The following GTF3C3 variants were observed in gnomAD, a reference collection of about 807,000 sequenced individuals.
The protein encoded by GTF3C3 is general transcription factor IIIC subunit 3.
GTF3C3 carries 75 observed loss-of-function variants against 105.2 expected under a neutral mutation model. That is an observed-to-expected ratio of 0.71 (90% confidence interval 0.59 to 0.86). The LOEUF is 0.86. GTF3C3 is among the 40% of genes least tolerant of loss of function. GTF3C3 has a pLI of 0.00. For missense variants in GTF3C3, 856 were observed against 1,076.5 expected (o/e 0.80, Z 2.87); for synonymous variants, 335 against 370.4 (o/e 0.90, Z 1.10).
chr2:196,776,113 T>C lies in GTF3C3; in HGVS notation c.1594-2A>G. ...ACGATGAAGCAATAACTTCAGTTCC[T>C]AAACAAATAAGCACATGATGATGAG... On this transcript the variant is annotated splice_acceptor_variant, in intron 11 of 17. Coordinates refer to ENST00000263956, the MANE Select transcript of GTF3C3 (RefSeq NM_012086.5). LOFTEE classifies it high-confidence loss of function. This position sits in a 1 kb window ranked among gnomAD's most constrained non-coding sequence, Gnocchi z 4.5. 6.8e-7 allele frequency: 1 copy of C among 1,474,526 alleles called. No individual in the cohort carries two copies. Among genetic ancestry groups the C allele is most frequent in the Non-Finnish European group, 9.4e-7 (1 of 1,068,498 alleles). The allele number at this position is 1,474,526 out of a possible 1,614,324, so 91.3% of individuals were successfully genotyped here.
At chr2:196,795,301 G>C (rs984361434) in intron 2 of GTF3C3, among the ~76,000 whole-genome samples, 1 of 152,214 alleles carries the variant, frequency 6.6e-6, no homozygotes, top group African/African-American at 2.4e-5. Context: ...GCCTCCCAAA[G>C]TGCTGGGATT....
intron 13 of GTF3C3, among the ~76,000 whole-genome samples, 155 bp from the exon 14 acceptor site, chr2:196,773,308 C>T (rs533296093): frequency 3.5e-4 from 53 of 152,184 alleles, no homozygotes; most frequent in Non-Finnish European, 5.3e-4. Context: ...GGGGTAGTTG[C>T]TTGCTTACAC....
chr2:196,770,024 G>T lies in GTF3C3; in HGVS notation c.2276C>A (p.Ala759Asp). 6.4e-7 allele frequency: 1 copy of T among 1,553,582 alleles called. No homozygotes were observed. The highest frequency in any genetic ancestry group is 8.6e-7 in the Non-Finnish European group (1 of 1,157,232). Reference protein sequence around the residue: ...FKHALGQYVQAFRTHPDEPLY... With the variant: ...FKHALGQYVQDFRTHPDEPLY... ...AGGTTCGTCAGGGTGAGTGCGAAAG[G>T]CTTGCACATACTGTCCTGGAAAATA... Residue 759 changes from alanine (A) to aspartate (D), a missense_variant, in exon 16 of 18, where the codon GCC (alanine) becomes GAC (aspartate). Ala to Asp is a moderately radical substitution (Grantham distance 126). Coordinates refer to ENST00000263956, the MANE Select transcript of GTF3C3 (RefSeq NM_012086.5).
At chr2:196,779,117 C>A in intron 9 of GTF3C3, 50 bp from the exon 10 acceptor site, 50 of 1,293,792 alleles carry the variant, frequency 3.9e-5, no homozygotes, top group Non-Finnish European at 4.9e-5. Flanking sequence ...CAAACGTGCA[C>A]ATCTATCTAT....
rs1486135525 is a variant in GTF3C3, at chr2:196,766,593, G to A, written c.2510C>T (p.Ala837Val). The stretch of plus-strand genomic sequence containing the variant: ...TACCACAAGTGGAGGGAGCTCCAGG[G>A]CCTTCTGATAATAGTGGATTGCAAG... ...IHLAIHYYQK[A>V]LELPPLVVEG... Residue 837 changes from alanine (A) to valine (V), a missense_variant, in exon 17 of 18, where the codon GCC (alanine) becomes GTC (valine). This residue lies in a region of GTF3C3 where 134 missense variants were observed against 128.9 expected (regional missense o/e 1.04). Coordinates refer to ENST00000263956, the MANE Select transcript of GTF3C3 (RefSeq NM_012086.5). 1 of 1,611,830 alleles carries A rather than the reference G, an allele frequency of 6.2e-7. No homozygotes were observed. The highest frequency in any genetic ancestry group is 1.1e-5 in the South Asian group (1 of 90,778).
intron 3 of GTF3C3, 75 bp downstream of exon 3, chr2:196,792,881 G>T: frequency 1.1e-6 from 1 of 908,860 alleles, no homozygotes; most frequent in South Asian, 1.4e-5. Flanking sequence ...TTGTTTCCCA[G>T]GTATAACTTA....
At chr2:196,770,200 TATAAA>T (rs1051304451) in intron 15 of GTF3C3, among the ~76,000 whole-genome samples, 161 bp from the exon 16 acceptor site, 18 of 152,234 alleles carry the variant, frequency 1.2e-4, no homozygotes, top group African/African-American at 4.1e-4. Context: ...TAAAACAATG[TATAAA>T]ATAAAACAAG....
intron 15 of GTF3C3, among the ~76,000 whole-genome samples, chr2:196,771,080 T>A (rs952492526): frequency 2.0e-5 from 3 of 152,196 alleles, no homozygotes; most frequent in African/African-American, 7.2e-5. Context: ...AACATTTAGT[T>A]AGTTAGATGT....
At chr2:196,774,761 T>C (rs1442761267) in intron 13 of GTF3C3, among the ~76,000 whole-genome samples, 1 of 152,236 alleles carries the variant, frequency 6.6e-6, no homozygotes, top group Non-Finnish European at 1.5e-5. Context: ...TTAAAAATTA[T>C]TTCATAGAGA....
intron 13 of GTF3C3, chr2:196,774,868 G>A (rs1699236306): frequency 7.4e-6 from 2 of 269,690 alleles, no homozygotes; most frequent in Non-Finnish European, 1.4e-5. Flanking sequence ...AAAAGTCAAA[G>A]TTTTGTTTTA....
chr2:196,765,958 C>A (rs1699057397), intron 17 of GTF3C3, among the ~76,000 whole-genome samples: 2 of 129,718 alleles, frequency 1.5e-5, no homozygotes, highest in South Asian at 4.9e-4. Flanking sequence ...TGCAGTGAGC[C>A]AAGATCGTGC....
chr2:196,795,664 T>C (rs1699630036), intron 2 of GTF3C3, among the ~76,000 whole-genome samples: 3 of 152,220 alleles, frequency 2.0e-5, no homozygotes, highest in African/African-American at 7.2e-5. Flanking sequence ...GAGTATCTTT[T>C]ATTTCATGAA....
chr2:196,792,570 T>A (rs182300427), intron 3 of GTF3C3, among the ~76,000 whole-genome samples: 23 of 152,306 alleles, frequency 1.5e-4, no homozygotes, highest in African/African-American at 2.9e-4. Context: ...TAGCATTTTT[T>A]AAAAAATAAA....
intron 1 of GTF3C3, chr2:196,799,276 G>T: frequency 2.1e-6 from 1 of 484,860 alleles, no homozygotes; most frequent in Non-Finnish European, 3.7e-6. Context: ...ACGTAGTATT[G>T]GGGGAAAAAG....
At position 196,774,758 on chromosome 2, in the gene GTF3C3, T is replaced by C. The variant is rs147889701; in HGVS notation, c.1831+358A>G. On this transcript the variant is annotated intron_variant, in intron 13 of 17. Coordinates refer to ENST00000263956, the MANE Select transcript of GTF3C3 (RefSeq NM_012086.5). Reference sequence around the variant, plus strand: ...TGACTATTGCTACATTTGTTAAAAATTATTTCATAGAGAATGGAATATATA... The same window carrying C: ...TGACTATTGCTACATTTGTTAAAAACTATTTCATAGAGAATGGAATATATA... Among the ~76,000 whole-genome samples, 167 of 152,330 alleles carry C rather than the reference T, an allele frequency of 1.1e-3. No homozygotes were observed. The East Asian group carries it at 0.019, about 17-fold the overall frequency.
chr2:196,777,175 G>A (rs1699273238), intron 10 of GTF3C3, among the ~76,000 whole-genome samples: 1 of 152,048 alleles, frequency 6.6e-6, no homozygotes, highest in Non-Finnish European at 1.5e-5. Flanking sequence ...GGCCACAGTG[G>A]GTGCCCCATT....
In GTF3C3 at chr2:196,780,628, G is replaced by A. The variant is rs376410930; in HGVS notation, c.1149C>T (p.Gly383=). 3.2e-5 allele frequency: 51 copies of A among 1,612,798 alleles called. No individual in the cohort carries two copies. Among genetic ancestry groups the A allele is most frequent in the Middle Eastern group, 1.6e-4 (1 of 6,074 alleles). ...ACTTCACTGTGATATCTATTGGCAC[G>A]CCATCAGGTATAGTGCAGGTAACAT... is the stretch of plus-strand genomic sequence containing the variant. ...PENVTCTIPD[G]VPIDITVKLM... Residue 383 remains glycine (G), a synonymous_variant, in exon 9 of 18, where the codon GGC becomes GGT. Transcript: ENST00000263956.
At chr2:196,775,292 C>T in intron 12 of GTF3C3, 41 bp from the exon 13 acceptor site, 2 of 1,560,554 alleles carry the variant, frequency 1.3e-6, no homozygotes, top group East Asian at 2.3e-5. Context: ...TAAACAATAA[C>T]TGTTTTGTTT....
At chr2:196,783,991 T>C (rs1559302574) in intron 8 of GTF3C3, among the ~76,000 whole-genome samples, 1 of 152,180 alleles carries the variant, frequency 6.6e-6, no homozygotes, top group East Asian at 1.9e-4. Context: ...TTACTCTCTA[T>C]GAATTAGCAC....
Sources: gnomAD v4.1 joint callset for allele counts (sites outside exome capture counted in the v4.1 genomes callset) on GRCh38, gnomAD v4.1.1 for gene constraint, gnomAD v4.1.1 regional missense constraint, Gnocchi (gnomAD v3.1) non-coding constraint, MANE v1.5 for transcripts, NCBI Gene and HGNC (gene_info 2026-07-23, HGNC 2026-07-21) for gene names.